The following TENM3 variants were observed in gnomAD, a reference collection of about 807,000 sequenced individuals.
TENM3 encodes teneurin transmembrane protein 3.
In TENM3, 63 loss-of-function variants were observed where a neutral mutation model predicts 255.1. The observed-to-expected ratio is 0.25, with a 90% CI of 0.20 to 0.30. The LOEUF is 0.30. Ranked by LOEUF, TENM3 falls within the 10% of genes least tolerant of loss-of-function variation. The pLI is 1.00. For synonymous variants in TENM3, 1,306 were observed against 1,322.3 expected, an observed-to-expected ratio of 0.99 and a Z score of 0.27; for missense variants, 2,929 against 3,461.1, an observed-to-expected ratio of 0.85 and a Z score of 3.86.
intron 1 of TENM3, among the ~76,000 whole-genome samples, chr4:182,153,163 T>A (rs1213438375): frequency 1.3e-5 from 2 of 152,014 alleles, no homozygotes; most frequent in African/African-American, 4.8e-5. Flanking sequence ...AACTGAAGTC[T>A]GTTTAAAGGC....
chr4:181,808,921 G>A, the TENM3 span, among the ~76,000 whole-genome samples: 56 of 152,324 alleles, frequency 3.7e-4, no homozygotes, highest in African/African-American at 1.3e-3. Flanking sequence ...TAGATGAGAT[G>A]TGTTAACAAT....
chr4:182,606,673 G>C (rs1218169966), intron 4 of TENM3, among the ~76,000 whole-genome samples: 5 of 152,094 alleles, frequency 3.3e-5, no homozygotes, highest in Non-Finnish European at 7.4e-5. Context: ...TTCATTCTAG[G>C]AAAGTTTGAG....
the TENM3 span, among the ~76,000 whole-genome samples, chr4:181,568,084 C>A: frequency 6.6e-6 from 1 of 151,886 alleles, no homozygotes; most frequent in Non-Finnish European, 1.5e-5. Flanking sequence ...TTTTTCTCAT[C>A]CTTTTTTACA....
the TENM3 span, among the ~76,000 whole-genome samples, chr4:182,123,128 AG>A: frequency 6.6e-6 from 1 of 152,206 alleles, no homozygotes; most frequent in East Asian, 1.9e-4. Context: ...CTTTGGCTTA[AG>A]GGAATTTCAT....
chr4:181,868,957 C>T, the TENM3 span, among the ~76,000 whole-genome samples: 10 of 151,828 alleles, frequency 6.6e-5, no homozygotes, highest in East Asian at 1.9e-4. Flanking sequence ...CCTAACACTT[C>T]GAATGCTCCA....
rs139323833 is a variant in TENM3, at chr4:182,658,651, A to G, written c.1111+4758A>G. 4.6e-5 allele frequency among the ~76,000 whole-genome samples: 7 copies of G among 152,338 alleles called. No individual in the cohort carries two copies. In the East Asian group the frequency reaches 7.7e-4, roughly 17 times the overall value. On this transcript the variant is annotated intron_variant, in intron 6 of 27. Coordinates refer to ENST00000511685, the MANE Select transcript of TENM3 (RefSeq NM_001080477.4). ...ATTACTACATAACAAACCATAACAA[A>G]ACTCAGTGGCTTAGAAAGCAATGTT...
chr4:181,624,351 T>A, the TENM3 span, among the ~76,000 whole-genome samples: 1 of 152,178 alleles, frequency 6.6e-6, no homozygotes, highest in East Asian at 1.9e-4. Context: ...CCAACTCAAA[T>A]TTCAATGGCC....
At chr4:181,470,122 A>AAAC in the TENM3 span, among the ~76,000 whole-genome samples, 4 of 151,548 alleles carry the variant, frequency 2.6e-5, no homozygotes, top group East Asian at 1.9e-4. Context: ...AAAAAAAAAA[A>AAAC]AAACATTATT....
chr4:181,899,963 G>GAAATTTTT, the TENM3 span, among the ~76,000 whole-genome samples: 1 of 151,814 alleles, frequency 6.6e-6, no homozygotes, highest in Non-Finnish European at 1.5e-5. Flanking sequence ...AAAATTTTAG[G>GAAATTTTT]ACAAATTTTT....
At position 182,323,998 on chromosome 4, in the gene TENM3, T is replaced by C; in HGVS notation, c.-23T>C. On this transcript the variant is annotated 5_prime_UTR_variant, in exon 2 of 28. The change abolishes an upstream ATG in the 5' untranslated region. Transcript: ENST00000511685. Reference sequence around the variant, plus strand: ...CCTAAGTTGTCACCAGCAGGACTGATGTGCACACAGAAGGAATGAAGTATG... The same window carrying C: ...CCTAAGTTGTCACCAGCAGGACTGACGTGCACACAGAAGGAATGAAGTATG... 1 of 1,602,262 alleles carries C rather than the reference T, an allele frequency of 6.2e-7. No individual in the cohort carries two copies. Among genetic ancestry groups the C allele is most frequent in the East Asian group, 2.2e-5 (1 of 44,664 alleles).
At chr4:182,325,336 G>A (rs1454630237) in intron 2 of TENM3, among the ~76,000 whole-genome samples, 2 of 152,144 alleles carry the variant, frequency 1.3e-5, no homozygotes, top group Non-Finnish European at 2.9e-5. Flanking sequence ...TGTGCAAAGA[G>A]CCATTGTAAC....
intron 2 of TENM3, among the ~76,000 whole-genome samples, chr4:182,333,831 TA>T (rs1190271251): frequency 1.3e-5 from 2 of 151,866 alleles, no homozygotes; most frequent in Non-Finnish European, 2.9e-5. Context: ...CTCTAGAAAT[TA>T]AAAAAAAGGA....
chr4:181,519,409 A>C, the TENM3 span, among the ~76,000 whole-genome samples: 1 of 152,154 alleles, frequency 6.6e-6, no homozygotes, highest in Non-Finnish European at 1.5e-5. Context: ...TAATTAGTAC[A>C]AATTGGTTTG....
intron 4 of TENM3, among the ~76,000 whole-genome samples, chr4:182,628,201 T>C (rs1751016685): frequency 6.6e-6 from 1 of 152,186 alleles, no homozygotes; most frequent in East Asian, 1.9e-4. Context: ...CGCGTGATCA[T>C]GCATACTCGT....
the TENM3 span, among the ~76,000 whole-genome samples, chr4:181,753,268 T>C: frequency 6.6e-6 from 1 of 152,170 alleles, no homozygotes; most frequent in Non-Finnish European, 1.5e-5. Flanking sequence ...TTGGTTGGAA[T>C]CCTATATAAT....
At chr4:181,613,934 C>G in the TENM3 span, among the ~76,000 whole-genome samples, 1 of 152,134 alleles carries the variant, frequency 6.6e-6, no homozygotes, top group Non-Finnish European at 1.5e-5. Context: ...CAGCTGTATT[C>G]TATTAGGCCA....
chr4:181,489,081 G>T, the TENM3 span, among the ~76,000 whole-genome samples: 51 of 152,252 alleles, frequency 3.3e-4, no homozygotes, highest in East Asian at 9.5e-3. Context: ...AATTGGCAGG[G>T]TGCTGAGAAA....
the TENM3 span, among the ~76,000 whole-genome samples, chr4:181,686,950 T>C: frequency 1.3e-5 from 2 of 152,186 alleles, no homozygotes; most frequent in Non-Finnish European, 2.9e-5. Flanking sequence ...TTGTACATTG[T>C]TCCATTCAGT....
At chr4:182,527,773 G>T (rs533561441) in intron 3 of TENM3, among the ~76,000 whole-genome samples, 3 of 152,228 alleles carry the variant, frequency 2.0e-5, no homozygotes, top group African/African-American at 7.2e-5. Flanking sequence ...CTGTCACCAG[G>T]CTGGAGTACA....
Sources: gnomAD v4.1 joint callset for allele counts (sites outside exome capture counted in the v4.1 genomes callset) on GRCh38, gnomAD v4.1.1 for gene constraint, MANE v1.5 for transcripts, NCBI Gene and HGNC (gene_info 2026-07-23, HGNC 2026-07-21) for gene names.